Variants in MYO3B observed in about 807,000 individuals in gnomAD.
The protein encoded by MYO3B is myosin IIIB, also known as myosin-IIIb.
A neutral mutation model predicts 174.6 loss-of-function variants in MYO3B; 156 were observed. That is an observed-to-expected ratio of 0.89 (90% CI 0.78 to 1.02). MYO3B has a LOEUF of 1.02. Ranked by LOEUF, MYO3B falls within the 50% of genes least tolerant of loss-of-function variation. The pLI is 0.00. For missense variants in MYO3B, 1,632 were observed against 1,639.4 expected (o/e 1.00, Z 0.08); for synonymous variants, 563 against 569.1 (o/e 0.99, Z 0.15).
intron 23 of MYO3B, among the ~76,000 whole-genome samples, chr2:170,456,159 T>C (rs954744843): frequency 6.6e-6 from 1 of 151,906 alleles, no homozygotes; most frequent in African/African-American, 2.4e-5. Context: ...TGTGGATATT[T>C]TGGTGGGGGG....
chr2:170,193,846 T>C (rs1015401525), intron 1 of MYO3B, among the ~76,000 whole-genome samples: 2 of 152,300 alleles, frequency 1.3e-5, no homozygotes, highest in Admixed American at 6.5e-5. Context: ...AAAGAGGATA[T>C]TTAAATCTCA....
At chr2:170,530,139 G>A (rs547334541) in intron 30 of MYO3B, among the ~76,000 whole-genome samples, 1 of 152,304 alleles carries the variant, frequency 6.6e-6, no homozygotes, top group East Asian at 1.9e-4. Context: ...TCTCCTTGAT[G>A]AATAGACAAA....
intron 32 of MYO3B, among the ~76,000 whole-genome samples, chr2:170,605,152 G>A (rs962542756): frequency 6.6e-6 from 1 of 151,990 alleles, no homozygotes; most frequent in Non-Finnish European, 1.5e-5. Context: ...TTCTCATTCC[G>A]CCTCTCAGCA....
intron 7 of MYO3B, among the ~76,000 whole-genome samples, chr2:170,291,301 A>G (rs2093594359): frequency 7.4e-6 from 1 of 134,272 alleles, no homozygotes; most frequent in East Asian, 2.2e-4. Context: ...CCACAAGACA[A>G]TCTACGCTTT....
rs752643585 is a variant in MYO3B at position 170,214,748 on chromosome 2, A to G, written c.446A>G (p.Asn149Ser). 8 of 1,614,124 alleles carry G rather than the reference A, an allele frequency of 5.0e-6. No individual in the cohort carries two copies. The highest frequency in any genetic ancestry group is 5.9e-6 in the Non-Finnish European group (7 of 1,179,980). The change falls in exon 5 of 35, where the codon AAC (asparagine) becomes AGC (serine). Residue 149 changes from asparagine (N) to serine (S), a missense_variant. Transcript: ENST00000408978. ...ATGCAGGGCCTTCAGCATTTGCACAACAACCGAATCATCCACCGTGATGTG... is the reference window on the plus strand; with the variant it reads ...ATGCAGGGCCTTCAGCATTTGCACAGCAACCGAATCATCCACCGTGATGTG... ...GALLGLQHLH[N>S]NRIIHRDVKG...
intron 25 of MYO3B, among the ~76,000 whole-genome samples, chr2:170,487,432 A>G (rs148365051): frequency 8.3e-4 from 126 of 152,356 alleles, no homozygotes; most frequent in African/African-American, 2.8e-3. Flanking sequence ...ACTTCTGCCC[A>G]TGCCTGATAC....
At chr2:170,397,741 C>T (rs1362378128) in intron 16 of MYO3B, among the ~76,000 whole-genome samples, 1 of 152,126 alleles carries the variant, frequency 6.6e-6, no homozygotes, top group Non-Finnish European at 1.5e-5. Context: ...TCAGATCCCA[C>T]AAGCTAAGGG....
intron 32 of MYO3B, among the ~76,000 whole-genome samples, chr2:170,551,921 T>C (rs112305339): frequency 1.4e-5 from 2 of 144,600 alleles, no homozygotes; most frequent in African/African-American, 5.2e-5. Context: ...CACTTCCCCC[T>C]TCTCTCTCTC....
chr2:170,326,464 C>T (rs545119091), intron 7 of MYO3B, among the ~76,000 whole-genome samples: 2 of 152,282 alleles, frequency 1.3e-5, no homozygotes, highest in African/African-American at 4.8e-5. Flanking sequence ...ACACACTGGA[C>T]AATAACAGTT....
At chr2:170,441,399 G>A (rs2094799804) in intron 22 of MYO3B, among the ~76,000 whole-genome samples, 1 of 152,286 alleles carries the variant, frequency 6.6e-6, no homozygotes, top group East Asian at 1.9e-4. Context: ...TATGATGTTA[G>A]TGTTACTGGA....
intron 32 of MYO3B, among the ~76,000 whole-genome samples, chr2:170,637,874 C>T (rs1697645701): frequency 6.6e-6 from 1 of 152,080 alleles, no homozygotes; most frequent in African/African-American, 2.4e-5. Flanking sequence ...CCAAACCATA[C>T]CTTTCTATTT....
At chr2:170,627,421 T>C (rs1346767672) in intron 32 of MYO3B, among the ~76,000 whole-genome samples, 1 of 152,218 alleles carries the variant, frequency 6.6e-6, no homozygotes, top group Non-Finnish European at 1.5e-5. Flanking sequence ...TAAGGACTTC[T>C]CTGCATTGGT....
At chr2:170,293,701 C>A (rs1366877821) in intron 7 of MYO3B, among the ~76,000 whole-genome samples, 2 of 152,124 alleles carry the variant, frequency 1.3e-5, no homozygotes, top group African/African-American at 2.4e-5. Context: ...GAAAGAGAAG[C>A]AGTAGGGATT....
At chr2:170,288,041 G>GA (rs1348621010) in intron 7 of MYO3B, among the ~76,000 whole-genome samples, 2 of 151,964 alleles carry the variant, frequency 1.3e-5, no homozygotes, top group Non-Finnish European at 2.9e-5. Flanking sequence ...TAAATACATT[G>GA]ATTTATATTT....
intron 8 of MYO3B, chr2:170,348,159 T>A (rs2094031512): frequency 6.6e-6 from 1 of 152,208 alleles, no homozygotes; most frequent in African/African-American, 2.4e-5. Context: ...ATAATGTTTT[T>A]AAAGTTCATC....
rs141683070 is a variant in MYO3B at position 170,261,448 on chromosome 2, G to A, written c.749+25312G>A. Among the ~76,000 whole-genome samples, 309 of 152,328 alleles carry A rather than the reference G, an allele frequency of 2.0e-3. 1 individual carries two copies. The highest frequency in any genetic ancestry group is 7.0e-3 in the African/African-American group (292 of 41,566). Reference sequence around the variant, plus strand: ...AGCACCTGTTGTCTTAGCTACTTGGGAGGCTAAGGAGGGAGAATTGATCCC... The same window carrying A: ...AGCACCTGTTGTCTTAGCTACTTGGAAGGCTAAGGAGGGAGAATTGATCCC... On this transcript the variant is annotated intron_variant, in intron 7 of 34. Transcript: ENST00000408978.
At chr2:170,609,061 G>A (rs1488725313) in intron 32 of MYO3B, among the ~76,000 whole-genome samples, 2 of 152,170 alleles carry the variant, frequency 1.3e-5, no homozygotes, top group Non-Finnish European at 2.9e-5. Context: ...GAGTTCCCAG[G>A]AGCCAAAGCT....
intron 7 of MYO3B, among the ~76,000 whole-genome samples, chr2:170,269,263 G>T (rs2093407454): frequency 6.6e-6 from 1 of 152,082 alleles, no homozygotes; most frequent in Non-Finnish European, 1.5e-5. Context: ...AATCTGACTG[G>T]GTTCTCCATA....
chr2:170,451,893 A>T (rs533834786), intron 23 of MYO3B, among the ~76,000 whole-genome samples: 2 of 152,308 alleles, frequency 1.3e-5, no homozygotes, highest in Admixed American at 6.5e-5. Flanking sequence ...CACATCCTGG[A>T]TCCCCAAAAA....
Sources: allele counts gnomAD v4.1 joint callset (sites outside exome capture counted in the v4.1 genomes callset), GRCh38; gene constraint gnomAD v4.1.1; transcripts MANE v1.5; gene names NCBI Gene and HGNC (gene_info 2026-07-23, HGNC 2026-07-21).